TASP1: variants seen among roughly 807,000 people sequenced by gnomAD.
TASP1 encodes the protein threonine aspartase 1.
A neutral mutation model predicts 56.6 loss-of-function variants in TASP1; 16 were observed. The observed-to-expected ratio is 0.28, with a 90% CI of 0.19 to 0.43. The LOEUF (loss-of-function observed/expected upper bound fraction) is 0.43. Ranked by LOEUF, TASP1 falls within the 20% of genes least tolerant of loss-of-function variation. The probability of loss-of-function intolerance (pLI) is 1.00; values close to 1 mark genes in which losing one functional copy is unlikely to be tolerated. For synonymous variants in TASP1, 179 were observed against 184.2 expected, an observed-to-expected ratio of 0.97 and a Z score of 0.23; for missense variants, 393 against 511.6, an observed-to-expected ratio of 0.77 and a Z score of 2.24.
chr20:13,321,484 T>A, the TASP1 span, among the ~76,000 whole-genome samples: 1 of 152,108 alleles, frequency 6.6e-6, no homozygotes, highest in South Asian at 2.1e-4. Flanking sequence ...CGTTCCAGAA[T>A]TCTGGCCCCA....
intron 13 of TASP1, among the ~76,000 whole-genome samples, chr20:13,414,327 C>CAG (rs1401899361): frequency 6.6e-6 from 1 of 152,162 alleles, no homozygotes; most frequent in Non-Finnish European, 1.5e-5. Flanking sequence ...TTATCATAGC[C>CAG]AGAGGCACAT....
intron 10 of TASP1, among the ~76,000 whole-genome samples, chr20:13,524,113 C>T (rs954081911): frequency 6.6e-6 from 1 of 151,610 alleles, no homozygotes; most frequent in Non-Finnish European, 1.5e-5. Flanking sequence ...CACACCACTG[C>T]ATTCACTCCA....
In TASP1 at chr20:13,465,190, AAAAAAAAAAGGAAAGG is replaced by A. The variant is rs1568836583; in HGVS notation, c.985+18021_985+18036del. ...CCTTTCTCTCTCCCAAAAAAAAAAA[AAAAAAAAAAGGAAAGG>A]AAAAAAAAAGGTTAAAATGGTAAAT... On this transcript the variant is annotated intron_variant, in intron 11 of 13. Coordinates refer to ENST00000337743, the MANE Select transcript of TASP1 (RefSeq NM_017714.3). Among the ~76,000 whole-genome samples the A allele has an allele frequency of 3.4e-5, 5 of 147,606 alleles. No homozygotes were observed. The South Asian group carries it at 6.3e-4, about 18-fold the overall frequency.
chr20:13,527,919 G>A (rs2045047853), intron 10 of TASP1, among the ~76,000 whole-genome samples: 1 of 151,948 alleles, frequency 6.6e-6, no homozygotes, highest in Admixed American at 6.6e-5. Flanking sequence ...TAACTCCAGA[G>A]TTGTATTGAA....
the TASP1 span, among the ~76,000 whole-genome samples, chr20:13,200,994 G>T: frequency 6.6e-6 from 1 of 152,188 alleles, no homozygotes; most frequent in African/African-American, 2.4e-5. Context: ...GCTTCACTAG[G>T]CTCATTTAGC....
chr20:13,381,437 G>A, the TASP1 span, among the ~76,000 whole-genome samples: 51 of 152,310 alleles, frequency 3.3e-4, no homozygotes, highest in African/African-American at 1.2e-3. Flanking sequence ...GATAAGCCAG[G>A]TACCTCAGAT....
intron 13 of TASP1, among the ~76,000 whole-genome samples, chr20:13,403,523 T>G (rs1416708731): frequency 6.6e-6 from 1 of 152,170 alleles, no homozygotes; most frequent in Admixed American, 6.5e-5. Flanking sequence ...ATTATTCAAC[T>G]AATTTTCAGA....
intron 11 of TASP1, among the ~76,000 whole-genome samples, chr20:13,477,892 G>A (rs781374169): frequency 6.6e-6 from 1 of 152,086 alleles, no homozygotes; most frequent in Non-Finnish European, 1.5e-5. Context: ...TCAAACCAAA[G>A]CCCTGATCTT....
intron 10 of TASP1, among the ~76,000 whole-genome samples, chr20:13,501,507 A>C (rs144247149): frequency 0.011 from 1,705 of 152,088 alleles, 42 homozygotes; most frequent in African/African-American, 0.038. Flanking sequence ...TCCTAAGTGG[A>C]CCATGGTAAA....
chr20:13,121,295 A>G, the TASP1 span, among the ~76,000 whole-genome samples: 8 of 152,284 alleles, frequency 5.3e-5, no homozygotes, highest in African/African-American at 1.9e-4. Flanking sequence ...GACAGGGCAG[A>G]CAAATTTGGG....
intron 4 of TASP1, among the ~76,000 whole-genome samples, chr20:13,608,254 A>T (rs772560829): frequency 6.6e-6 from 1 of 152,240 alleles, no homozygotes; most frequent in Non-Finnish European, 1.5e-5. Flanking sequence ...GGATGAATGG[A>T]AGCCAATGAA....
chr20:13,360,594 G>A, the TASP1 span, among the ~76,000 whole-genome samples: 24 of 152,214 alleles, frequency 1.6e-4, no homozygotes, highest in African/African-American at 4.3e-4. Flanking sequence ...TCATGTCTGC[G>A]TGCAGCAGCT....
intron 11 of TASP1, among the ~76,000 whole-genome samples, chr20:13,435,743 A>G (rs2042980407): frequency 1.3e-5 from 2 of 152,308 alleles, no homozygotes; most frequent in Non-Finnish European, 1.5e-5. Flanking sequence ...CAAGAACATT[A>G]TATTTTAAAA....
At chr20:13,220,776 C>T in the TASP1 span, among the ~76,000 whole-genome samples, 1 of 152,252 alleles carries the variant, frequency 6.6e-6, no homozygotes, top group Non-Finnish European at 1.5e-5. Flanking sequence ...CTGCTTCAGG[C>T]AGGGGTCGCA....
At chr20:13,624,786 A>G (rs1030969612) in intron 3 of TASP1, among the ~76,000 whole-genome samples, 3 of 152,204 alleles carry the variant, frequency 2.0e-5, no homozygotes, top group African/African-American at 7.2e-5. Flanking sequence ...CTACATGATG[A>G]AAAACAGAAT....
At chr20:13,525,445 C>T (rs1447889092) in intron 10 of TASP1, among the ~76,000 whole-genome samples, 3 of 152,058 alleles carry the variant, frequency 2.0e-5, no homozygotes, top group Non-Finnish European at 2.9e-5. Context: ...CTCCCCAAGC[C>T]CTTACTCATT....
intron 4 of TASP1, among the ~76,000 whole-genome samples, chr20:13,621,253 G>C (rs921449543): frequency 2.0e-5 from 3 of 151,578 alleles, no homozygotes; most frequent in Admixed American, 2.0e-4. Flanking sequence ...GTGAAACCCT[G>C]TCTCTACTTA....
intron 11 of TASP1, among the ~76,000 whole-genome samples, chr20:13,471,332 C>T (rs1487083909): frequency 6.6e-6 from 1 of 152,130 alleles, no homozygotes; most frequent in African/African-American, 2.4e-5. Flanking sequence ...GTCCCACATA[C>T]GGCTACTGAC....
chr20:13,617,386 C>T (rs1279749452), intron 4 of TASP1, among the ~76,000 whole-genome samples: 1 of 152,150 alleles, frequency 6.6e-6, no homozygotes, highest in Middle Eastern at 3.2e-3. Flanking sequence ...CATAGAAACA[C>T]ATCCCACTCC....
Sources: allele counts gnomAD v4.1 joint callset (sites outside exome capture counted in the v4.1 genomes callset), GRCh38; gene constraint gnomAD v4.1.1; transcripts MANE v1.5; gene names NCBI Gene and HGNC (gene_info 2026-07-23, HGNC 2026-07-21).